Variants in NDUFA10 observed in about 807,000 individuals in gnomAD.
NDUFA10 encodes the protein NADH:ubiquinone oxidoreductase subunit A10.
Under a neutral mutation model 47.8 loss-of-function variants are expected in NDUFA10, and 40 were observed. The observed-to-expected ratio is 0.84, with a 90% CI of 0.65 to 1.09. NDUFA10 has a LOEUF of 1.09. Among genes scored for constraint, NDUFA10 ranks in the 50% least tolerant of loss-of-function variants. The pLI is 0.00. For synonymous variants in NDUFA10, 183 were observed against 172.2 expected (o/e 1.06, Z -0.49); for missense variants, 413 against 451.1 (o/e 0.92, Z 0.76).
In NDUFA10 at chr2:240,016,382, A is replaced by AC. The variant is rs537991245; in HGVS notation, c.548-1523dup. On this transcript the variant is annotated intron_variant, in intron 4 of 9. Coordinates refer to ENST00000252711, the MANE Select transcript of NDUFA10 (RefSeq NM_004544.4). This position sits in a 1 kb window ranked among gnomAD's most constrained non-coding sequence, Gnocchi z 4.4. Reference sequence around the variant, plus strand: ...CGAGTCTGCTCTCACCCTGCTTCCCACCCTCACCCTTACTCCTGTCAGTAC... The same window carrying AC: ...CGAGTCTGCTCTCACCCTGCTTCCCACCCCTCACCCTTACTCCTGTCAGTAC... 3.2e-4 allele frequency among the ~76,000 whole-genome samples: 49 copies of AC among 151,402 alleles called. No homozygotes were observed. The highest frequency in any genetic ancestry group is 5.3e-4 in the Non-Finnish European group (36 of 67,796).
chr2:240,005,009 TGTTAA>T (rs1696889022), intron 8 of NDUFA10, among the ~76,000 whole-genome samples, 196 bp downstream of exon 8: 1 of 152,214 alleles, frequency 6.6e-6, no homozygotes. Flanking sequence ...GCAAAATGCC[TGTTAA>T]ATTAATAATG....
chr2:239,949,488 G>C (rs919926306), intron 4 of NDUFA10, among the ~76,000 whole-genome samples: 1 of 152,172 alleles, frequency 6.6e-6, no homozygotes, highest in Non-Finnish European at 1.5e-5. Flanking sequence ...GTGGAAGAAA[G>C]AATTCCCACT....
At position 240,022,351 on chromosome 2, in the gene NDUFA10, C is replaced by T; in HGVS notation, c.76-11G>A. ...GCTATGAATTCCTCTCTGAAAAACA[C>T]AAAATCACACAGCAGCACATTGTGA... On this transcript the variant is annotated splice_polypyrimidine_tract_variant and intron_variant, in intron 1 of 9. Coordinates refer to ENST00000252711, the MANE Select transcript of NDUFA10 (RefSeq NM_004544.4). 1.9e-6 allele frequency: 3 copies of T among 1,614,016 alleles called. No homozygotes were observed. The highest frequency in any genetic ancestry group is 2.5e-6 in the Non-Finnish European group (3 of 1,179,980).
Position 240,013,186 on chromosome 2 carries a change from A to G in NDUFA10, c.670-1490T>C, listed in dbSNP as rs184752539. 7.1e-4 allele frequency: 108 copies of G among 152,354 alleles called. 1 individual carries two copies. The East Asian group carries it at 0.013, about 19-fold the overall frequency. 9.4% of individuals were successfully genotyped at this position (152,354 alleles called of 1,614,324 possible). On this transcript the variant is annotated intron_variant, in intron 5 of 9. Transcript: ENST00000252711. ...CTAGAAATGGTTTTCGGATATTCCT[A>G]TCAGTTATTCCCAAAAGGTGCAATA...
intron 1 of NDUFA10, among the ~76,000 whole-genome samples, chr2:240,022,945 C>T (rs1231142002): frequency 6.6e-6 from 1 of 152,154 alleles, no homozygotes; most frequent in Non-Finnish European, 1.5e-5. Context: ...ATTTGAGTGT[C>T]GTCTTTGATA....
At chr2:240,010,399 T>C (rs1574884258) in intron 6 of NDUFA10, among the ~76,000 whole-genome samples, 1 of 152,206 alleles carries the variant, frequency 6.6e-6, no homozygotes, top group Admixed American at 6.5e-5. Context: ...TTGCTGATGT[T>C]GTAGCTAGAA....
intron 4 of NDUFA10, among the ~76,000 whole-genome samples, chr2:239,910,561 T>C (rs1693733726): frequency 6.6e-6 from 1 of 152,036 alleles, no homozygotes; most frequent in Non-Finnish European, 1.5e-5. Flanking sequence ...TGGGGCCTGC[T>C]GGGGGGTGTT....
At chr2:239,984,873 G>T (rs962077233) in intron 9 of NDUFA10, among the ~76,000 whole-genome samples, 1 of 152,232 alleles carries the variant, frequency 6.6e-6, no homozygotes, top group Admixed American at 6.5e-5. Context: ...AGTGCACTGT[G>T]GGGCCAAACA....
intron 4 of NDUFA10, among the ~76,000 whole-genome samples, chr2:239,915,907 ACACACACAG>A: frequency 1.3e-5 from 2 of 149,432 alleles, no homozygotes; most frequent in Middle Eastern, 6.8e-3. Context: ...AGATACACAT[ACACACACAG>A]CACACACACA....
intron 4 of NDUFA10, chr2:239,943,156 T>C (rs1694389691): frequency 6.5e-6 from 1 of 154,362 alleles, no homozygotes; most frequent in Non-Finnish European, 1.5e-5. Flanking sequence ...ACAGTTATCT[T>C]CCCATGTCTG....
In NDUFA10 at chr2:239,928,892, C is replaced by T. The variant is rs544090508; in HGVS notation, c.295-33578G>A. On this transcript the variant is annotated intron_variant, in intron 4 of 5. Coordinates refer to the NDUFA10 transcript ENST00000419408. The surrounding 1 kb of genome is among the most constrained non-coding windows in gnomAD (Gnocchi z 4.3). ...CCTCCGCGAATCCTCCCAGCCTTGA[C>T]TCCGAAACGCTTTGTCTCCCATCGC... 6.6e-6 allele frequency among the ~76,000 whole-genome samples: 1 copy of T among 152,330 alleles called. No homozygotes were observed. The highest frequency in any genetic ancestry group is 2.1e-4 in the South Asian group (1 of 4,826).
chr2:239,909,634 C>CA (rs1693714765), intron 4 of NDUFA10, among the ~76,000 whole-genome samples: 2 of 151,732 alleles, frequency 1.3e-5, no homozygotes. Flanking sequence ...CAAAACAAAA[C>CA]AAAAAAACCC....
chr2:239,986,242 T>C (rs1333785261), intron 9 of NDUFA10, among the ~76,000 whole-genome samples: 1 of 152,192 alleles, frequency 6.6e-6, no homozygotes, highest in Non-Finnish European at 1.5e-5. Flanking sequence ...GAAAATAACC[T>C]GCAGGAATGA....
intron 9 of NDUFA10, chr2:239,982,254 G>A (rs191693675): frequency 5.6e-6 from 9 of 1,609,204 alleles, no homozygotes; most frequent in Middle Eastern, 1.7e-4. Context: ...TGTTCACCTC[G>A]CCTCTGACAA....
chr2:239,933,435 C>G (rs1209630447), intron 4 of NDUFA10, among the ~76,000 whole-genome samples: 1 of 152,202 alleles, frequency 6.6e-6, no homozygotes, highest in Non-Finnish European at 1.5e-5. Flanking sequence ...CGACCTGGAG[C>G]CAGCTGGTCC....
chr2:239,996,758 C>A (rs1696496947), intron 8 of NDUFA10, among the ~76,000 whole-genome samples: 1 of 152,084 alleles, frequency 6.6e-6, no homozygotes, highest in Non-Finnish European at 1.5e-5. Context: ...GCTTTGAATG[C>A]AGCCCAACAT....
chr2:239,937,294 G>C (rs768415133), intron 4 of NDUFA10, among the ~76,000 whole-genome samples: 1 of 152,192 alleles, frequency 6.6e-6, no homozygotes, highest in Non-Finnish European at 1.5e-5. Context: ...ACAGAATTGC[G>C]TAACTACTGC....
rs150343237 is a variant in NDUFA10 at position 239,919,994 on chromosome 2, C to T, written c.295-24680G>A. Reference sequence around the variant, plus strand: ...AATTAAGGTGCAGTACTGTGTGTGCCCCAGCACCTGTGAGATTGGGGGCCC... The same window carrying T: ...AATTAAGGTGCAGTACTGTGTGTGCTCCAGCACCTGTGAGATTGGGGGCCC... On this transcript the variant is annotated intron_variant, in intron 4 of 5. Transcript: ENST00000419408. Among the ~76,000 whole-genome samples, 533 of 152,300 alleles carry T rather than the reference C, an allele frequency of 3.5e-3. 4 individuals are homozygous for T. Among genetic ancestry groups the T allele is most frequent in the African/African-American group, 0.012 (499 of 41,570 alleles).
chr2:239,915,709 A>T (rs1693855038), intron 4 of NDUFA10, among the ~76,000 whole-genome samples: 1 of 151,766 alleles, frequency 6.6e-6, no homozygotes, highest in Non-Finnish European at 1.5e-5. Flanking sequence ...ACATACACAG[A>T]CATACACAAA....
Sources: allele counts gnomAD v4.1 joint callset (sites outside exome capture counted in the v4.1 genomes callset), GRCh38; gene constraint gnomAD v4.1.1; non-coding constraint Gnocchi (gnomAD v3.1); transcripts MANE v1.5; gene names NCBI Gene and HGNC (gene_info 2026-07-23, HGNC 2026-07-21).